WDR27: variants seen among roughly 807,000 people sequenced by gnomAD.
The protein encoded by WDR27 is WD repeat-containing protein 27.
WDR27 carries 100 observed loss-of-function variants against 114.4 expected under a neutral mutation model. That is an observed-to-expected ratio of 0.87 (90% confidence interval 0.74 to 1.03). The LOEUF (loss-of-function observed/expected upper bound fraction) is 1.03, where lower values mean the gene tolerates loss of function less well. WDR27 is among the 50% of genes least tolerant of loss of function. WDR27 has a pLI of 0.00. For synonymous variants in WDR27, 449 were observed against 423.1 expected (o/e 1.06, Z -0.75); for missense variants, 1,129 against 1,092.9 (o/e 1.03, Z -0.47).
intron 23 of WDR27, among the ~76,000 whole-genome samples, chr6:169,583,512 T>TAC (rs145440232): frequency 0.1 from 3,990 of 38,760 alleles, 173 homozygotes; most frequent in African/African-American, 0.18. Context: ...TATGTATATA[T>TAC]ACACACACAC....
intron 25 of WDR27, among the ~76,000 whole-genome samples, chr6:169,563,028 T>C (rs1799889788): frequency 6.6e-6 from 1 of 152,034 alleles, no homozygotes; most frequent in Non-Finnish European, 1.5e-5. Context: ...GCTGGGGCTT[T>C]TGGAAAATAA....
At chr6:169,665,798 T>C (rs6459652) in intron 6 of WDR27, among the ~76,000 whole-genome samples, 60,769 of 151,994 alleles carry the variant, frequency 0.4, 16,325 homozygotes, top group African/African-American at 0.76. Flanking sequence ...GGCTGCCCGG[T>C]GAGTCCACCA....
At position 169,649,202 on chromosome 6, in the gene WDR27, C is replaced by A; in HGVS notation, c.1555G>T (p.Ala519Ser). Residue 519 changes from alanine to serine, a missense_variant, in exon 15 of 26, where the codon GCA (alanine) becomes TCA (serine). Transcript: ENST00000448612. ...KGSSRSRSSC[A>S]REAYPVECAV... ...AATGCACGCTACATCACACACCGTG[C>A]GCAGCTGCTCCTGCTCCTTGAAGAT... The A allele has an allele frequency of 1.3e-6, 2 of 1,569,954 alleles. No homozygotes were observed. The highest frequency in any genetic ancestry group is 1.7e-6 in the Non-Finnish European group (2 of 1,156,692).
chr6:169,462,636 C>T (rs757582320), intron 25 of WDR27, among the ~76,000 whole-genome samples: 12 of 152,220 alleles, frequency 7.9e-5, no homozygotes, highest in African/African-American at 1.4e-4. Context: ...CTATCTCATT[C>T]CCCCAATACC....
intron 22 of WDR27, among the ~76,000 whole-genome samples, chr6:169,609,646 G>C (rs1050102741): frequency 2.0e-5 from 3 of 152,176 alleles, no homozygotes; most frequent in Admixed American, 6.5e-5. Flanking sequence ...CAGACCTCTG[G>C]GTCTGTGATG....
chr6:169,677,239 C>A (rs555745232), intron 2 of WDR27, among the ~76,000 whole-genome samples: 1 of 152,322 alleles, frequency 6.6e-6, no homozygotes, highest in East Asian at 1.9e-4. Context: ...GAAGTCTAGG[C>A]TGAGGAAGTC....
intron 25 of WDR27, among the ~76,000 whole-genome samples, chr6:169,533,309 G>A (rs544497385): frequency 5.3e-5 from 8 of 151,940 alleles, no homozygotes; most frequent in Non-Finnish European, 8.8e-5. Flanking sequence ...TGGGGGGGGC[G>A]GGGGCGGTGG....
chr6:169,550,339 T>C (rs1301311366), intron 25 of WDR27, among the ~76,000 whole-genome samples: 1 of 152,252 alleles, frequency 6.6e-6, no homozygotes, highest in Non-Finnish European at 1.5e-5. Context: ...AATGGTAGTC[T>C]AGGCTACTGG....
chr6:169,530,809 C>G (rs1188480971), intron 25 of WDR27, among the ~76,000 whole-genome samples: 2 of 152,188 alleles, frequency 1.3e-5, no homozygotes, highest in African/African-American at 4.8e-5. Context: ...TCTAAATTTA[C>G]CAGGAGGCAT....
chr6:169,592,981 A>G (rs1301141538), intron 23 of WDR27, among the ~76,000 whole-genome samples: 2 of 152,226 alleles, frequency 1.3e-5, no homozygotes, highest in Non-Finnish European at 2.9e-5. Context: ...TTGATAGTGA[A>G]TCATGCTTGC....
intron 2 of WDR27, among the ~76,000 whole-genome samples, chr6:169,672,925 TAC>T (rs1414969712): frequency 6.6e-6 from 1 of 152,154 alleles, no homozygotes; most frequent in Non-Finnish European, 1.5e-5. Context: ...GTCAGAATAA[TAC>T]AGTGACTAGA....
chr6:169,625,458 C>T (rs945416503), intron 21 of WDR27, among the ~76,000 whole-genome samples: 1 of 152,212 alleles, frequency 6.6e-6, no homozygotes, highest in African/African-American at 2.4e-5. Flanking sequence ...CCTGGACAGT[C>T]GGAAGGGTCT....
intron 25 of WDR27, among the ~76,000 whole-genome samples, chr6:169,523,522 T>C (rs376712016): frequency 2.0e-4 from 30 of 152,186 alleles, no homozygotes; most frequent in African/African-American, 6.7e-4. Context: ...ACGATGAATA[T>C]AGATGTGAAA....
chr6:169,561,729 T>C (rs1799701067), intron 25 of WDR27, among the ~76,000 whole-genome samples: 1 of 152,126 alleles, frequency 6.6e-6, no homozygotes, highest in African/African-American at 2.4e-5. Flanking sequence ...ATAATCACAT[T>C]AAATATGAAT....
chr6:169,639,481 A>C (rs535692930), intron 17 of WDR27, among the ~76,000 whole-genome samples: 7 of 152,206 alleles, frequency 4.6e-5, no homozygotes, highest in Non-Finnish European at 5.9e-5. Flanking sequence ...AAGTGAAAAA[A>C]AAAAATCCCT....
At chr6:169,471,405 C>T (rs1483396379) in intron 25 of WDR27, among the ~76,000 whole-genome samples, 1 of 151,986 alleles carries the variant, frequency 6.6e-6, no homozygotes, top group Non-Finnish European at 1.5e-5. Flanking sequence ...TCTTTCTGCC[C>T]TCAAAGAGTA....
intron 6 of WDR27, chr6:169,666,296 T>TC (rs1281882735): frequency 3.9e-6 from 3 of 760,836 alleles, no homozygotes; most frequent in Non-Finnish European, 3.2e-6. Flanking sequence ...AGCACCATAG[T>TC]CCACACATGG....
At chr6:169,527,756 T>C (rs889047306) in intron 25 of WDR27, among the ~76,000 whole-genome samples, 1 of 152,192 alleles carries the variant, frequency 6.6e-6, no homozygotes, top group African/African-American at 2.4e-5. Flanking sequence ...ATTAGCTGGG[T>C]GTTACTGGTT....
chr6:169,521,638 A>G (rs1323168415), intron 25 of WDR27, among the ~76,000 whole-genome samples: 2 of 152,104 alleles, frequency 1.3e-5, no homozygotes, highest in Non-Finnish European at 2.9e-5. Context: ...ATGTAAATTG[A>G]GACTACTAAA....
Sources: gnomAD v4.1 joint callset for allele counts (sites outside exome capture counted in the v4.1 genomes callset) on GRCh38, gnomAD v4.1.1 for gene constraint, MANE v1.5 for transcripts, NCBI Gene and HGNC (gene_info 2026-07-23, HGNC 2026-07-21) for gene names.